Variants in GRIA1 observed in about 807,000 individuals in gnomAD.
GRIA1 encodes the protein glutamate ionotropic receptor AMPA type subunit 1.
A neutral mutation model predicts 99.2 loss-of-function variants in GRIA1; 31 were observed. The observed-to-expected ratio is 0.31, with a 90% confidence interval of 0.23 to 0.42. The LOEUF (loss-of-function observed/expected upper bound fraction) is 0.42, where lower values mean the gene tolerates loss of function less well. Among genes scored for constraint, GRIA1 ranks in the 10% least tolerant of loss-of-function variants. The probability of loss-of-function intolerance (pLI) is 1.00; values close to 1 mark genes in which losing one functional copy is unlikely to be tolerated. For missense variants in GRIA1, 782 were observed against 1,157.5 expected (o/e 0.68, Z 4.71); for synonymous variants, 438 against 432.4 (o/e 1.01, Z -0.16).
intron 2 of GRIA1, among the ~76,000 whole-genome samples, chr5:153,611,567 G>A (rs1248102106): frequency 6.6e-6 from 1 of 152,160 alleles, no homozygotes; most frequent in African/African-American, 2.4e-5. Context: ...TTTGTTTTGA[G>A]GCAGAGGTGG....
At chr5:153,792,371 A>T (rs1220428348) in intron 13 of GRIA1, among the ~76,000 whole-genome samples, 3 of 152,210 alleles carry the variant, frequency 2.0e-5, no homozygotes, top group African/African-American at 7.2e-5. Context: ...AATACAGAAA[A>T]GTGGTCTTAT....
At chr5:153,781,589 G>A (rs1461231) in intron 13 of GRIA1, among the ~76,000 whole-genome samples, 3 of 151,960 alleles carry the variant, frequency 2.0e-5, no homozygotes, top group Non-Finnish European at 2.9e-5. Flanking sequence ...AGCCAACTTC[G>A]ATGTACATGA....
At chr5:153,543,447 C>G (rs925771766) in intron 2 of GRIA1, among the ~76,000 whole-genome samples, 1 of 152,154 alleles carries the variant, frequency 6.6e-6, no homozygotes, top group African/African-American at 2.4e-5. Context: ...AGTGGGTGAA[C>G]TGAGGTTTCA....
intron 2 of GRIA1, among the ~76,000 whole-genome samples, chr5:153,548,391 T>C (rs1031803713): frequency 6.6e-5 from 10 of 152,170 alleles, no homozygotes; most frequent in African/African-American, 2.4e-4. Flanking sequence ...AACTTCATCA[T>C]TTGGGGTCTG....
At chr5:153,720,766 G>A (rs968901782) in intron 11 of GRIA1, among the ~76,000 whole-genome samples, 2 of 152,172 alleles carry the variant, frequency 1.3e-5, no homozygotes, top group Non-Finnish European at 2.9e-5. Context: ...TTCACACTTC[G>A]AATGATCTGA....
At chr5:153,723,686 G>A (rs948175874) in intron 11 of GRIA1, among the ~76,000 whole-genome samples, 3 of 152,108 alleles carry the variant, frequency 2.0e-5, no homozygotes, top group Non-Finnish European at 4.4e-5. Flanking sequence ...CAGCAAGGCT[G>A]GGGGAGGGGC....
intron 2 of GRIA1, among the ~76,000 whole-genome samples, chr5:153,573,981 C>T (rs1762329424): frequency 6.6e-6 from 1 of 152,130 alleles, no homozygotes; most frequent in Non-Finnish European, 1.5e-5. Flanking sequence ...ACTCAAGTCC[C>T]CTCCTTCTAG....
intron 11 of GRIA1, among the ~76,000 whole-genome samples, chr5:153,754,072 A>G (rs1762665090): frequency 6.6e-6 from 1 of 152,198 alleles, no homozygotes; most frequent in Admixed American, 6.5e-5. Context: ...ACAGAGGCCC[A>G]GCTAGGCAGG....
intron 8 of GRIA1, among the ~76,000 whole-genome samples, chr5:153,693,524 T>C (rs1174960205): frequency 1.3e-5 from 2 of 152,358 alleles, no homozygotes; most frequent in East Asian, 1.9e-4. Context: ...TTTGATTTGA[T>C]GACTGTGCAA....
chr5:153,746,475 A>T (rs1344817616), intron 11 of GRIA1, among the ~76,000 whole-genome samples: 1 of 152,198 alleles, frequency 6.6e-6, no homozygotes, highest in Non-Finnish European at 1.5e-5. Flanking sequence ...GTATATTTTT[A>T]AAAAGCCCAC....
At chr5:153,513,299 G>A (rs1282543249) in intron 2 of GRIA1, among the ~76,000 whole-genome samples, 3 of 152,098 alleles carry the variant, frequency 2.0e-5, no homozygotes, top group Non-Finnish European at 4.4e-5. Flanking sequence ...CAGTTCTGCT[G>A]AGGGCTGGCC....
At chr5:153,728,844 G>T (rs559912347) in intron 11 of GRIA1, among the ~76,000 whole-genome samples, 1 of 106,486 alleles carries the variant, frequency 9.4e-6, no homozygotes, top group African/African-American at 3.9e-5. Flanking sequence ...CAGGGATCTA[G>T]AACTAGAAAT....
At chr5:153,630,582 A>T (rs1271193579) in intron 2 of GRIA1, among the ~76,000 whole-genome samples, 5 of 152,220 alleles carry the variant, frequency 3.3e-5, no homozygotes, top group Admixed American at 3.3e-4. Context: ...TGAACAAGGC[A>T]GGTCCAAGCT....
intron 2 of GRIA1, among the ~76,000 whole-genome samples, chr5:153,606,986 A>G (rs1446055065): frequency 6.0e-5 from 9 of 149,000 alleles, no homozygotes; most frequent in Non-Finnish European, 1.5e-5. Flanking sequence ...GGAGGAAAAT[A>G]AGGCAGTGCT....
intron 14 of GRIA1, among the ~76,000 whole-genome samples, chr5:153,799,044 T>A (rs549279311): frequency 3.3e-5 from 5 of 150,872 alleles, no homozygotes; most frequent in African/African-American, 1.2e-4. Context: ...TCACTCTCTT[T>A]CCCCACTCCT....
intron 13 of GRIA1, among the ~76,000 whole-genome samples, chr5:153,779,124 A>G (rs1450458933): frequency 2.0e-5 from 3 of 152,264 alleles, no homozygotes; most frequent in Middle Eastern, 3.4e-3. Context: ...TTTTATACCA[A>G]TGATGTGCTG....
chr5:153,607,489 A>G (rs1765558848), intron 2 of GRIA1, among the ~76,000 whole-genome samples: 1 of 151,904 alleles, frequency 6.6e-6, no homozygotes, highest in African/African-American at 2.4e-5. Flanking sequence ...ATTTCTCTCT[A>G]AAGATAGACT....
chr5:153,538,465 C>A (rs1758781043), intron 2 of GRIA1, among the ~76,000 whole-genome samples: 1 of 152,000 alleles, frequency 6.6e-6, no homozygotes, highest in African/African-American at 2.4e-5. Flanking sequence ...GTGTCTGCTT[C>A]CCCAGCAACT....
chr5:153,622,899 A>G lies in GRIA1; in HGVS notation c.221-24029A>G, dbSNP rs186721270. ...AAGTTCAGGGTGTTTGCAGAGGCCTAGATGCGGCACCTACACTCAGTCTTA... is the reference window on the plus strand; with the variant it reads ...AAGTTCAGGGTGTTTGCAGAGGCCTGGATGCGGCACCTACACTCAGTCTTA... On this transcript the variant is annotated intron_variant, in intron 2 of 15. Transcript: ENST00000285900. 4.6e-5 allele frequency among the ~76,000 whole-genome samples: 7 copies of G among 152,314 alleles called. No individual in the cohort carries two copies. In the East Asian group the frequency reaches 1.3e-3, roughly 29 times the overall value.
Sources: allele counts gnomAD v4.1 joint callset (sites outside exome capture counted in the v4.1 genomes callset), GRCh38; gene constraint gnomAD v4.1.1; transcripts MANE v1.5; gene names NCBI Gene and HGNC (gene_info 2026-07-23, HGNC 2026-07-21).